FHIT: variants seen among roughly 807,000 people sequenced by gnomAD.
The protein encoded by FHIT is bis(5'-adenosyl)-triphosphatase.
In FHIT, 19 loss-of-function variants were observed where a neutral mutation model predicts 17.9. The ratio of observed to expected loss-of-function variants is 1.06; its 90% CI spans 0.74 to 1.56. The LOEUF is 1.56. Ranked by LOEUF, FHIT falls within the 40% of genes most tolerant of loss-of-function variation. The pLI, the probability that FHIT is intolerant of heterozygous loss-of-function variation, is 0.00. For synonymous variants in FHIT, 81 were observed against 69.7 expected, an observed-to-expected ratio of 1.16 and a Z score of -0.81; for missense variants, 248 against 189.2, an observed-to-expected ratio of 1.31 and a Z score of -1.82.
At chr3:60,602,365 G>C (rs902803730) in intron 4 of FHIT, among the ~76,000 whole-genome samples, 1 of 152,140 alleles carries the variant, frequency 6.6e-6, no homozygotes, top group Non-Finnish European at 1.5e-5. Context: ...GAAAACCATG[G>C]AGCAATGTCT....
chr3:61,075,026 C>G (rs1221957754), intron 2 of FHIT, among the ~76,000 whole-genome samples: 1 of 152,198 alleles, frequency 6.6e-6, no homozygotes, highest in African/African-American at 2.4e-5. Context: ...AAAGAAAGCA[C>G]TGCACTTGTA....
intron 5 of FHIT, among the ~76,000 whole-genome samples, chr3:60,139,806 G>A (rs1354157540): frequency 1.5e-5 from 2 of 133,326 alleles, no homozygotes; most frequent in Non-Finnish European, 3.0e-5. Flanking sequence ...TTTACCTTAA[G>A]TACCTTTCAT....
At chr3:60,936,883 C>A (rs1047270235) in intron 3 of FHIT, among the ~76,000 whole-genome samples, 1 of 152,160 alleles carries the variant, frequency 6.6e-6, no homozygotes, top group Admixed American at 6.5e-5. Flanking sequence ...TTCTTAACAT[C>A]ATTCTACTAC....
In FHIT at chr3:60,368,905, C is replaced by G. The variant is rs144053714; in HGVS notation, c.103+167955G>C. Reference sequence around the variant, plus strand: ...TTGATATGGCTCAAAGTTCACTGACCTTTTAGCATGCAGAGACTAGTTGGC... The same window carrying G: ...TTGATATGGCTCAAAGTTCACTGACGTTTTAGCATGCAGAGACTAGTTGGC... On this transcript the variant is annotated intron_variant, in intron 5 of 9. Transcript: ENST00000492590. Among the ~76,000 whole-genome samples the G allele has an allele frequency of 5.7e-3, 870 of 152,014 alleles. 11 individuals are homozygous for G. Among genetic ancestry groups the G allele is most frequent in the African/African-American group, 0.019 (792 of 41,458 alleles).
At chr3:60,873,109 A>T (rs1553755416) in intron 3 of FHIT, among the ~76,000 whole-genome samples, 2 of 150,596 alleles carry the variant, frequency 1.3e-5, no homozygotes, top group Non-Finnish European at 3.0e-5. Context: ...TTTTTGGAGG[A>T]GGGGAACAAG....
chr3:60,967,962 G>A (rs1389652935), intron 3 of FHIT, among the ~76,000 whole-genome samples: 1 of 152,162 alleles, frequency 6.6e-6, no homozygotes, highest in African/African-American at 2.4e-5. Context: ...AAAGTAAATT[G>A]TGCCAATATG....
intron 4 of FHIT, among the ~76,000 whole-genome samples, chr3:60,549,263 A>C (rs911355254): frequency 6.6e-6 from 1 of 152,162 alleles, no homozygotes; most frequent in East Asian, 1.9e-4. Flanking sequence ...GGTGACTACT[A>C]TCTCTCCATA....
rs543346282 is a variant in FHIT, at chr3:59,998,667, T to G, written c.279+12704A>C. On this transcript the variant is annotated intron_variant, in intron 7 of 9. Transcript: ENST00000492590. ...GGAAAGAGCCAGCCAGTCTCAGGTA[T>G]AATCCAATTATTCCAACACAGGAAA... Among the ~76,000 whole-genome samples, 366 of 152,218 alleles carry G rather than the reference T, an allele frequency of 2.4e-3. 3 individuals carry two copies. Among genetic ancestry groups the G allele is most frequent in the African/African-American group, 8.3e-3 (346 of 41,546 alleles).
rs183172393 is a variant in FHIT at position 60,427,774 on chromosome 3, T to C, written c.103+109086A>G. Among the ~76,000 whole-genome samples, 67 of 152,268 alleles carry C rather than the reference T, an allele frequency of 4.4e-4. No individual in the cohort carries two copies. The East Asian group carries it at 0.013, about 29-fold the overall frequency. On this transcript the variant is annotated intron_variant, in intron 5 of 9. Coordinates refer to ENST00000492590, the MANE Select transcript of FHIT (RefSeq NM_002012.4). ...GTCATGTCCTATTTTTCCTACTGCC[T>C]GCTGGTCAATTCCATGTGGGCACTA...
intron 2 of FHIT, among the ~76,000 whole-genome samples, chr3:61,187,581 C>T (rs2038559298): frequency 6.6e-6 from 1 of 152,168 alleles, no homozygotes; most frequent in Non-Finnish European, 1.5e-5. Flanking sequence ...GCAAGCGGAC[C>T]TAATAGACAT....
chr3:59,825,441 G>A (rs974440026), intron 8 of FHIT, among the ~76,000 whole-genome samples: 1 of 152,180 alleles, frequency 6.6e-6, no homozygotes, highest in South Asian at 2.1e-4. Context: ...GTTCAAAGGA[G>A]AAATAAATCC....
chr3:60,327,715 T>G (rs1232279251), intron 5 of FHIT, among the ~76,000 whole-genome samples: 1 of 152,138 alleles, frequency 6.6e-6, no homozygotes, highest in Non-Finnish European at 1.5e-5. Context: ...AAAAGCAGAA[T>G]GGGTAAGTAA....
intron 9 of FHIT, chr3:59,751,232 T>TTC (rs10577548): frequency 7.6e-4 from 134 of 176,288 alleles, no homozygotes; most frequent in African/African-American, 2.2e-3. Flanking sequence ...ATAGATACAT[T>TTC]TCTCTCTCTC....
chr3:60,020,071 C>T (rs532482092), intron 5 of FHIT, among the ~76,000 whole-genome samples: 1 of 152,300 alleles, frequency 6.6e-6, no homozygotes, highest in Non-Finnish European at 1.5e-5. Flanking sequence ...TGGCCTCCCA[C>T]ACTGCCTCAT....
chr3:60,797,304 G>T, intron 4 of FHIT, among the ~76,000 whole-genome samples: 1 of 152,156 alleles, frequency 6.6e-6, no homozygotes, highest in East Asian at 1.9e-4. Flanking sequence ...AGGAAGGGTT[G>T]TGGGTTGTGG....
intron 2 of FHIT, among the ~76,000 whole-genome samples, chr3:61,183,523 G>C (rs1433318225): frequency 1.3e-5 from 2 of 152,130 alleles, no homozygotes; most frequent in Admixed American, 1.3e-4. Context: ...CTCTTAAAAT[G>C]CCTCCTTGTT....
At chr3:60,035,295 G>A (rs1701168445) in intron 5 of FHIT, among the ~76,000 whole-genome samples, 2 of 152,190 alleles carry the variant, frequency 1.3e-5, no homozygotes, top group South Asian at 2.1e-4. Flanking sequence ...GGAGTGCAAT[G>A]GCACAGTCTC....
At chr3:60,586,911 G>T (rs2037925669) in intron 4 of FHIT, among the ~76,000 whole-genome samples, 1 of 151,928 alleles carries the variant, frequency 6.6e-6, no homozygotes, top group African/African-American at 2.4e-5. Context: ...TAGTACCTGG[G>T]TGATGAAATA....
intron 2 of FHIT, among the ~76,000 whole-genome samples, chr3:61,083,504 G>A (rs2035210688): frequency 6.6e-6 from 1 of 152,134 alleles, no homozygotes; most frequent in African/African-American, 2.4e-5. Flanking sequence ...GCAGGAGAAT[G>A]GCGTGAACCT....
Sources: gnomAD v4.1 joint callset for allele counts (sites outside exome capture counted in the v4.1 genomes callset) on GRCh38, gnomAD v4.1.1 for gene constraint, MANE v1.5 for transcripts, NCBI Gene and HGNC (gene_info 2026-07-23, HGNC 2026-07-21) for gene names.